The following CTNNAL1 variants were observed in gnomAD, a reference collection of about 807,000 sequenced individuals.
The protein encoded by CTNNAL1 is catenin alpha like 1, also known as alpha-catulin.
In CTNNAL1, 69 loss-of-function variants were observed where a neutral mutation model predicts 93.6. The observed-to-expected ratio is 0.74, with a 90% CI of 0.61 to 0.90. The LOEUF (loss-of-function observed/expected upper bound fraction) is 0.90. CTNNAL1 is among the 40% of genes least tolerant of loss of function. The pLI, the probability that CTNNAL1 is intolerant of heterozygous loss-of-function variation, is 0.00. For missense variants in CTNNAL1, 836 were observed against 862.0 expected, an observed-to-expected ratio of 0.97 and a Z score of 0.38; for synonymous variants, 286 against 305.4, an observed-to-expected ratio of 0.94 and a Z score of 0.66.
intron 2 of CTNNAL1, among the ~76,000 whole-genome samples, chr9:108,996,243 T>C (rs1368709511): frequency 6.6e-6 from 1 of 152,114 alleles, no homozygotes; most frequent in Non-Finnish European, 1.5e-5. Flanking sequence ...ATTACAGGTG[T>C]GAGCAACTGC....
intron 12 of CTNNAL1, 128 bp from the exon 13 acceptor site, chr9:108,952,622 T>G: frequency 1.7e-6 from 2 of 1,202,124 alleles, no homozygotes; most frequent in Non-Finnish European, 2.3e-6. Context: ...ATGTAATGAC[T>G]GAATATTTTA....
chr9:109,004,496 A>T (rs1216379978), intron 1 of CTNNAL1, among the ~76,000 whole-genome samples: 1 of 152,178 alleles, frequency 6.6e-6, no homozygotes, highest in Non-Finnish European at 1.5e-5. Flanking sequence ...TAATGTTAGT[A>T]AGAAGAGTTG....
intron 7 of CTNNAL1, chr9:108,977,401 C>T (rs1831296776): frequency 6.4e-6 from 1 of 155,560 alleles, no homozygotes; most frequent in Admixed American, 6.5e-5. Context: ...GCTTTCACTC[C>T]TAACCTAGTT....
intron 7 of CTNNAL1, among the ~76,000 whole-genome samples, chr9:108,978,705 T>C (rs1417558951): frequency 6.6e-6 from 1 of 152,198 alleles, no homozygotes; most frequent in African/African-American, 2.4e-5. Context: ...CAACAGCCCA[T>C]TTAAGGCTCA....
chr9:108,975,287 T>C (rs1398106748), intron 8 of CTNNAL1, among the ~76,000 whole-genome samples: 1 of 141,590 alleles, frequency 7.1e-6, no homozygotes. Flanking sequence ...CCTCCAGGCA[T>C]GCCTCAAAGC....
At chr9:108,943,153 G>C (rs1830294175) in intron 17 of CTNNAL1, 109 bp from the exon 18 acceptor site, 1 of 994,864 alleles carries the variant, frequency 1.0e-6, no homozygotes, top group South Asian at 1.8e-5. Flanking sequence ...AAATCTAAGG[G>C]ATCTTGAAAG....
At chr9:108,996,111 C>T (rs1832006985) in intron 2 of CTNNAL1, among the ~76,000 whole-genome samples, 1 of 151,942 alleles carries the variant, frequency 6.6e-6, no homozygotes, top group East Asian at 1.9e-4. Flanking sequence ...TGGAGGCACG[C>T]ACCACCACAC....
intron 15 of CTNNAL1, among the ~76,000 whole-genome samples, 180 bp from the exon 16 acceptor site, chr9:108,944,198 G>T (rs1257533313): frequency 6.6e-6 from 1 of 152,214 alleles, no homozygotes; most frequent in Non-Finnish European, 1.5e-5. Context: ...ACTGTTTTCA[G>T]AAGGAGTTTC....
At chr9:108,981,907 A>C (rs920050543) in intron 6 of CTNNAL1, among the ~76,000 whole-genome samples, 5 of 152,222 alleles carry the variant, frequency 3.3e-5, no homozygotes, top group Non-Finnish European at 1.5e-5. Context: ...CCCGAGAAAC[A>C]AGAGTGAGAC....
intron 14 of CTNNAL1, among the ~76,000 whole-genome samples, chr9:108,949,995 G>A (rs1011887950): frequency 2.8e-5 from 4 of 145,200 alleles, no homozygotes; most frequent in Non-Finnish European, 4.5e-5. Flanking sequence ...CTGCACTCCA[G>A]CCTGGGTGAC....
chr9:108,960,100 A>T (rs1032958603), intron 11 of CTNNAL1, among the ~76,000 whole-genome samples: 6 of 152,158 alleles, frequency 3.9e-5, no homozygotes, highest in Admixed American at 3.9e-4. Context: ...ATATGGTATG[A>T]TCAATCAAAA....
In CTNNAL1 at chr9:108,943,012, C is replaced by T. The variant is rs868127347; in HGVS notation, c.2088G>A (p.Met696Ile). 1.2e-6 allele frequency: 2 copies of T among 1,612,598 alleles called. No homozygotes were observed. Among genetic ancestry groups the T allele is most frequent in the African/African-American group, 2.7e-5 (2 of 74,874 alleles). The part of the protein sequence containing the change: ...VDKCITKTRS[M>I]MALLVQLLSL... ...AAAGAAGTTGGACTAAGAGAGCCAT[C>T]ATGGATCTTGTCTTCGTAATACACT... Residue 696 changes from methionine to isoleucine, a missense_variant, in exon 18 of 19, where the codon ATG (methionine) becomes ATA (isoleucine). Met to Ile is a conservative substitution (Grantham distance 10). Coordinates refer to ENST00000325551, the MANE Select transcript of CTNNAL1 (RefSeq NM_003798.4).
intron 2 of CTNNAL1, among the ~76,000 whole-genome samples, chr9:108,998,236 A>G (rs868755046): frequency 1.3e-5 from 2 of 152,188 alleles, no homozygotes; most frequent in Non-Finnish European, 2.9e-5. Flanking sequence ...TCTAGTAGGT[A>G]GAAGCTAGTG....
chr9:108,999,370 C>T, intron 1 of CTNNAL1, 114 bp from the exon 2 acceptor site: 5 of 984,884 alleles, frequency 5.1e-6, no homozygotes, highest in Non-Finnish European at 7.2e-6. Context: ...TAGACTAAAT[C>T]AATAGTTAGA....
At chr9:109,001,069 G>A (rs1217104418) in intron 1 of CTNNAL1, among the ~76,000 whole-genome samples, 5 of 151,216 alleles carry the variant, frequency 3.3e-5, no homozygotes, top group African/African-American at 1.2e-4. Context: ...CTACTTGGGA[G>A]GCTGAGGCAG....
intron 1 of CTNNAL1, among the ~76,000 whole-genome samples, chr9:109,004,083 C>T (rs1826938024): frequency 6.6e-6 from 1 of 152,086 alleles, no homozygotes; most frequent in South Asian, 2.1e-4. Context: ...TTCTTTCTCT[C>T]GGTTCACCCT....
intron 14 of CTNNAL1, chr9:108,950,404 A>T (rs972808360): frequency 3.7e-5 from 45 of 1,227,676 alleles, no homozygotes; most frequent in Non-Finnish European, 4.9e-5. Context: ...AAACCACCAA[A>T]GGAATGGTCT....
intron 1 of CTNNAL1, among the ~76,000 whole-genome samples, chr9:109,007,992 G>A (rs919131190): frequency 5.3e-5 from 8 of 151,680 alleles, no homozygotes; most frequent in African/African-American, 1.7e-4. Flanking sequence ...CATCCCCATT[G>A]ATAATTATAG....
chr9:108,966,644 C>T (rs1406699333), intron 10 of CTNNAL1, among the ~76,000 whole-genome samples: 1 of 152,172 alleles, frequency 6.6e-6, no homozygotes, highest in Non-Finnish European at 1.5e-5. Context: ...GGACTTAATA[C>T]AAGTGAGAAA....
Sources: allele counts gnomAD v4.1 joint callset (sites outside exome capture counted in the v4.1 genomes callset), GRCh38; gene constraint gnomAD v4.1.1; transcripts MANE v1.5; gene names NCBI Gene and HGNC (gene_info 2026-07-23, HGNC 2026-07-21).